The following RBFOX1 variants were observed in gnomAD, a reference collection of about 807,000 sequenced individuals.
RBFOX1 encodes the protein RNA binding protein fox-1 homolog 1.
A neutral mutation model predicts 57.7 loss-of-function variants in RBFOX1; 8 were observed. That is an observed-to-expected ratio of 0.14 (90% CI 0.08 to 0.25). The LOEUF (loss-of-function observed/expected upper bound fraction) is 0.25, where lower values mean the gene tolerates loss of function less well. Among genes scored for constraint, RBFOX1 ranks in the 10% least tolerant of loss-of-function variants. The pLI, the probability that RBFOX1 is intolerant of heterozygous loss-of-function variation, is 1.00. For synonymous variants in RBFOX1, 326 were observed against 222.4 expected, an observed-to-expected ratio of 1.47 and a Z score of -4.15; for missense variants, 611 against 548.5, an observed-to-expected ratio of 1.11 and a Z score of -1.14.
chr16:7,461,936 G>C (rs1329241147), intron 4 of RBFOX1, among the ~76,000 whole-genome samples: 2 of 152,136 alleles, frequency 1.3e-5, no homozygotes, highest in East Asian at 1.9e-4. Context: ...ATTTGTTCTT[G>C]TCTTTTAATT....
chr16:5,400,441 A>G (rs531799753), intron 1 of RBFOX1, among the ~76,000 whole-genome samples: 15 of 152,236 alleles, frequency 9.9e-5, no homozygotes, highest in African/African-American at 3.6e-4. Flanking sequence ...TTTAAAGCAT[A>G]AATACTTATT....
At chr16:6,242,275 G>A (rs78055970) in intron 1 of RBFOX1, among the ~76,000 whole-genome samples, 18,328 of 152,080 alleles carry the variant, frequency 0.12, 1,206 homozygotes, top group Middle Eastern at 0.26. Context: ...TCATATCCAA[G>A]CTCACTGCCT....
chr16:6,560,124 C>G (rs1271574699), intron 2 of RBFOX1, among the ~76,000 whole-genome samples: 1 of 147,972 alleles, frequency 6.8e-6, no homozygotes, highest in South Asian at 2.1e-4. Flanking sequence ...GTGGGGTAAT[C>G]ACTCTGTTAT....
At chr16:6,505,731 A>C (rs1334767972) in intron 2 of RBFOX1, among the ~76,000 whole-genome samples, 1 of 152,234 alleles carries the variant, frequency 6.6e-6, no homozygotes, top group Admixed American at 6.5e-5. Context: ...CTAAAAACTC[A>C]AGAGTCTAAT....
intron 2 of RBFOX1, among the ~76,000 whole-genome samples, chr16:6,641,737 A>C (rs2098490772): frequency 4.0e-5 from 1 of 25,272 alleles, no homozygotes; most frequent in African/African-American, 1.7e-4. Context: ...TCCGTCTCAA[A>C]AAAAAAAAAA....
intron 3 of RBFOX1, among the ~76,000 whole-genome samples, chr16:6,934,406 G>C (rs981271980): frequency 6.6e-6 from 1 of 152,094 alleles, no homozygotes; most frequent in African/African-American, 2.4e-5. Context: ...ATCAGTATTT[G>C]AAAGGGAGAC....
chr16:7,554,813 A>G (rs1449366493), intron 5 of RBFOX1, among the ~76,000 whole-genome samples: 3 of 152,142 alleles, frequency 2.0e-5, no homozygotes, highest in Non-Finnish European at 4.4e-5. Flanking sequence ...CATTATCACC[A>G]TGTTCTAACC....
intron 2 of RBFOX1, among the ~76,000 whole-genome samples, chr16:6,629,775 G>C (rs567138351): frequency 3.3e-4 from 51 of 152,296 alleles, no homozygotes; most frequent in African/African-American, 1.2e-3. Flanking sequence ...TAGTCCTTCT[G>C]AGATAGCTTC....
At chr16:6,518,243 T>G (rs1216471034) in intron 2 of RBFOX1, among the ~76,000 whole-genome samples, 2 of 152,176 alleles carry the variant, frequency 1.3e-5, no homozygotes, top group African/African-American at 4.8e-5. Flanking sequence ...CCAAACACCA[T>G]GTACCATTTA....
chr16:6,555,880 T>C (rs1213826799), intron 2 of RBFOX1, among the ~76,000 whole-genome samples: 1 of 152,178 alleles, frequency 6.6e-6, no homozygotes, highest in Non-Finnish European at 1.5e-5. Context: ...TATTAGTCAA[T>C]TCTCATTAAA....
chr16:5,471,379 T>A (rs1036385855), intron 2 of RBFOX1, among the ~76,000 whole-genome samples: 5 of 152,174 alleles, frequency 3.3e-5, no homozygotes, highest in Non-Finnish European at 7.4e-5. Context: ...TTTTCAGTAT[T>A]TCAGTGACTG....
intron 4 of RBFOX1, among the ~76,000 whole-genome samples, chr16:7,272,537 C>T (rs865922968): frequency 6.0e-4 from 92 of 152,318 alleles, no homozygotes; most frequent in African/African-American, 2.2e-3. Context: ...ATCATTCATT[C>T]ATTCATCAAA....
At chr16:6,058,365 G>C (rs892685586) in intron 1 of RBFOX1, among the ~76,000 whole-genome samples, 1 of 145,154 alleles carries the variant, frequency 6.9e-6, no homozygotes, top group African/African-American at 2.6e-5. Flanking sequence ...CTTCTCAGAT[G>C]TGAATGTGTT....
intron 4 of RBFOX1, among the ~76,000 whole-genome samples, chr16:7,513,109 A>G (rs965497314): frequency 6.6e-6 from 1 of 151,958 alleles, no homozygotes; most frequent in African/African-American, 2.4e-5. Context: ...TAAAAATACA[A>G]AAAATTAGCC....
chr16:6,107,725 G>GTGGT (rs1262037260), intron 1 of RBFOX1, among the ~76,000 whole-genome samples: 3 of 126,614 alleles, frequency 2.4e-5, no homozygotes, highest in African/African-American at 8.7e-5. Flanking sequence ...GGATTTGTGG[G>GTGGT]TGGGTGGGTG....
At chr16:5,714,656 A>G (rs769638646) in intron 3 of RBFOX1, among the ~76,000 whole-genome samples, 6 of 152,334 alleles carry the variant, frequency 3.9e-5, no homozygotes, top group Non-Finnish European at 8.8e-5. Context: ...AACGGTTTTC[A>G]TTTGTCATCT....
intron 2 of RBFOX1, among the ~76,000 whole-genome samples, chr16:5,562,640 C>T (rs1461545384): frequency 6.6e-6 from 1 of 152,070 alleles, no homozygotes; most frequent in East Asian, 1.9e-4. Flanking sequence ...AGGGAGTCTT[C>T]CTTAAGGTTC....
chr16:6,747,533 A>C (rs1196534426), intron 3 of RBFOX1, among the ~76,000 whole-genome samples: 1 of 152,246 alleles, frequency 6.6e-6, no homozygotes, highest in South Asian at 2.1e-4. Context: ...GATATGTAAG[A>C]AGCCTGTTGG....
intron 4 of RBFOX1, among the ~76,000 whole-genome samples, chr16:7,114,740 G>A (rs1317733899): frequency 6.6e-6 from 1 of 152,154 alleles, no homozygotes; most frequent in Non-Finnish European, 1.5e-5. Context: ...CCTGCTAGGT[G>A]CATGGAAACT....
Sources: allele counts gnomAD v4.1 joint callset (sites outside exome capture counted in the v4.1 genomes callset), GRCh38; gene constraint gnomAD v4.1.1; transcripts MANE v1.5; gene names NCBI Gene and HGNC (gene_info 2026-07-23, HGNC 2026-07-21).